The following DYM variants were observed in gnomAD, a reference collection of about 807,000 sequenced individuals.
DYM encodes dymeclin, also known as dyggve-Melchior-Clausen syndrome protein.
In DYM, 78 loss-of-function variants were observed where a neutral mutation model predicts 93.1. That is an observed-to-expected ratio of 0.84 (90% CI 0.70 to 1.01). The LOEUF (loss-of-function observed/expected upper bound fraction) is 1.01, where lower values mean the gene tolerates loss of function less well. Among genes scored for constraint, DYM ranks in the 50% least tolerant of loss-of-function variants. DYM has a pLI of 0.00. For synonymous variants in DYM, 321 were observed against 319.7 expected, an observed-to-expected ratio of 1.00 and a Z score of -0.04; for missense variants, 789 against 845.0, an observed-to-expected ratio of 0.93 and a Z score of 0.82.
chr18:49,081,057 C>T (rs1169737660), intron 17 of DYM, among the ~76,000 whole-genome samples: 6 of 141,032 alleles, frequency 4.3e-5, no homozygotes, highest in African/African-American at 1.3e-4. Context: ...ACGTCCCAGA[C>T]GATGGGCGGC....
At chr18:49,278,940 T>C (rs1302314532) in intron 10 of DYM, among the ~76,000 whole-genome samples, 1 of 152,220 alleles carries the variant, frequency 6.6e-6, no homozygotes, top group Non-Finnish European at 1.5e-5. Flanking sequence ...TCTAGCTGCT[T>C]TTCTTGGTAA....
chr18:49,123,800 T>C (rs1401093959), intron 15 of DYM, among the ~76,000 whole-genome samples: 2 of 152,218 alleles, frequency 1.3e-5, no homozygotes, highest in Non-Finnish European at 2.9e-5. Flanking sequence ...TGAATTATAT[T>C]TGCTTCTCAT....
chr18:49,052,410 G>A (rs570555826), intron 17 of DYM, among the ~76,000 whole-genome samples: 2 of 152,296 alleles, frequency 1.3e-5, no homozygotes, highest in Admixed American at 6.5e-5. Flanking sequence ...AAGTACTAAG[G>A]AAAAGAAAGA....
At chr18:49,076,253 T>A (rs1466950107) in intron 17 of DYM, among the ~76,000 whole-genome samples, 1 of 152,222 alleles carries the variant, frequency 6.6e-6, no homozygotes, top group Non-Finnish European at 1.5e-5. Context: ...AATATTATGA[T>A]GTTTTAAACT....
At chr18:49,224,149 G>A (rs547453835) in intron 13 of DYM, among the ~76,000 whole-genome samples, 1 of 152,186 alleles carries the variant, frequency 6.6e-6, no homozygotes, top group African/African-American at 2.4e-5. Flanking sequence ...GCAGGTGACA[G>A]GGAGTGTCAA....
At chr18:49,168,328 T>G (rs2145186994) in intron 14 of DYM, among the ~76,000 whole-genome samples, 1 of 152,310 alleles carries the variant, frequency 6.6e-6, no homozygotes, top group Non-Finnish European at 1.5e-5. Flanking sequence ...TTTTTGTGTA[T>G]GCAGGAAGTA....
At chr18:49,319,010 T>A (rs2062247150) in intron 8 of DYM, among the ~76,000 whole-genome samples, 2 of 152,010 alleles carry the variant, frequency 1.3e-5, no homozygotes, top group African/African-American at 2.4e-5. Flanking sequence ...TTTCACCATC[T>A]TGGCCAGGCT....
At chr18:49,374,598 T>A (rs1239562916) in intron 5 of DYM, among the ~76,000 whole-genome samples, 1 of 152,190 alleles carries the variant, frequency 6.6e-6, no homozygotes, top group East Asian at 1.9e-4. Context: ...TTAGGATGGT[T>A]CAGTTTGCTT....
intron 13 of DYM, among the ~76,000 whole-genome samples, chr18:49,211,236 C>T (rs974121342): frequency 2.0e-5 from 3 of 151,986 alleles, no homozygotes; most frequent in Admixed American, 1.3e-4. Context: ...AATTTTAAAC[C>T]GCTCCAAGAT....
chr18:49,321,610 C>T (rs190817647), intron 8 of DYM, among the ~76,000 whole-genome samples: 1 of 152,242 alleles, frequency 6.6e-6, no homozygotes, highest in East Asian at 1.9e-4. Flanking sequence ...ATTTTTATTA[C>T]TACTCTACAA....
At chr18:49,202,371 G>A (rs1300760576) in intron 14 of DYM, among the ~76,000 whole-genome samples, 3 of 151,518 alleles carry the variant, frequency 2.0e-5, no homozygotes, top group Non-Finnish European at 4.4e-5. Flanking sequence ...CGCCTGCCTT[G>A]GCCTCCCAAA....
chr18:49,097,543 CAAG>C, intron 16 of DYM, 28 bp from the exon 17 acceptor site: 2 of 1,586,110 alleles, frequency 1.3e-6, no homozygotes, highest in Non-Finnish European at 1.7e-6. Flanking sequence ...ATTTTTTAAA[CAAG>C]AAGAGGTATG....
intron 14 of DYM, among the ~76,000 whole-genome samples, chr18:49,169,685 A>G (rs758739017): frequency 7.9e-5 from 12 of 152,182 alleles, no homozygotes; most frequent in Non-Finnish European, 1.3e-4. Flanking sequence ...CCTGCCATCT[A>G]TGGTGGCCAC....
At chr18:49,333,915 A>G in intron 6 of DYM, 62 bp from the exon 7 acceptor site, 3 of 1,509,880 alleles carry the variant, frequency 2.0e-6, no homozygotes, top group Non-Finnish European at 2.7e-6. Context: ...ATTCTTTTCT[A>G]AATGAACTAT....
At chr18:49,387,876 T>C (rs1371591519) in intron 3 of DYM, among the ~76,000 whole-genome samples, 1 of 152,088 alleles carries the variant, frequency 6.6e-6, no homozygotes. Flanking sequence ...TTGAAATAAA[T>C]GTACCATACT....
chr18:49,054,323 C>A (rs985258188), intron 17 of DYM, among the ~76,000 whole-genome samples: 2 of 152,098 alleles, frequency 1.3e-5, no homozygotes, highest in African/African-American at 4.8e-5. Flanking sequence ...CTCACTGCAA[C>A]CTCTGCCTCC....
At chr18:49,379,581 CCA>C in intron 4 of DYM, 82 bp downstream of exon 4, 2 of 1,176,538 alleles carry the variant, frequency 1.7e-6, no homozygotes, top group Non-Finnish European at 2.5e-6. Context: ...TTTCAAAAGA[CCA>C]CAGTCCATTT....
At chr18:49,318,787 ATTTC>A (rs2062212486) in intron 8 of DYM, among the ~76,000 whole-genome samples, 1 of 140,288 alleles carries the variant, frequency 7.1e-6, no homozygotes, top group Admixed American at 7.1e-5. Flanking sequence ...AGGTAACATT[ATTTC>A]TTTTTCTTTT....
intron 3 of DYM, among the ~76,000 whole-genome samples, chr18:49,386,403 C>T (rs563154322): frequency 1.5e-4 from 23 of 152,272 alleles, no homozygotes; most frequent in Admixed American, 5.2e-4. Flanking sequence ...TCAACATCAA[C>T]ACCATCAGTG....
Sources: gnomAD v4.1 joint callset for allele counts (sites outside exome capture counted in the v4.1 genomes callset) on GRCh38, gnomAD v4.1.1 for gene constraint, MANE v1.5 for transcripts, NCBI Gene and HGNC (gene_info 2026-07-23, HGNC 2026-07-21) for gene names.